DENND4A: variants seen among roughly 807,000 people sequenced by gnomAD.
DENND4A encodes C-myc promoter-binding protein.
DENND4A carries 70 observed loss-of-function variants against 199.3 expected under a neutral mutation model. The ratio of observed to expected loss-of-function variants is 0.35; its 90% CI spans 0.29 to 0.43. The LOEUF is 0.43. DENND4A is among the 20% of genes least tolerant of loss of function. The pLI is 1.00. For missense variants in DENND4A, 1,723 were observed against 2,255.8 expected (o/e 0.76, Z 4.78); for synonymous variants, 686 against 766.9 (o/e 0.89, Z 1.74).
chr15:65,767,963 T>C (rs190487534), intron 1 of DENND4A, among the ~76,000 whole-genome samples: 156 of 152,180 alleles, frequency 1.0e-3, no homozygotes, highest in Non-Finnish European at 7.9e-4. Context: ...AAATGAAAAA[T>C]ATGATGAAAT....
chr15:65,713,501 T>G (rs954478553), intron 14 of DENND4A, among the ~76,000 whole-genome samples: 1 of 152,252 alleles, frequency 6.6e-6, no homozygotes. Flanking sequence ...AGTTACTCTT[T>G]TCCCTTTTGT....
intron 21 of DENND4A, 139 bp from the exon 22 acceptor site, chr15:65,696,636 G>T: frequency 1.8e-6 from 1 of 548,706 alleles, no homozygotes; most frequent in Non-Finnish European, 3.1e-6. Flanking sequence ...ATATCTGTTT[G>T]TCAACCACAA....
rs2076963662 is a variant in DENND4A, at chr15:65,691,376, T to C, written c.3218A>G (p.Asn1073Ser). Residue 1073 changes from asparagine (N) to serine (S), a missense_variant, in exon 23 of 33, where the codon AAT becomes AGT. Physicochemically the swap from Asn to Ser is conservative, Grantham distance 46. This residue lies in a region of DENND4A where 650 missense variants were observed against 738.1 expected (regional missense o/e 0.88). Transcript: ENST00000443035. ...TNLQQQVVWGNRNRNLSGGVL... is the reference protein window; with the variant it reads ...TNLQQQVVWGSRNRNLSGGVL... ...CCCTCCACTAAGATTACGGTTTCTA[T>C]TTCCCCAGACCACTTGCTGCTGCAA... The C allele has an allele frequency of 2.5e-6, 4 of 1,613,510 alleles. No individual in the cohort carries two copies. Among genetic ancestry groups the C allele is most frequent in the African/African-American group, 1.3e-5 (1 of 74,914 alleles).
intron 4 of DENND4A, among the ~76,000 whole-genome samples, 158 bp downstream of exon 4, chr15:65,752,221 A>G (rs1264926411): frequency 6.7e-6 from 1 of 148,810 alleles, no homozygotes; most frequent in Non-Finnish European, 1.5e-5. Context: ...CCGAAAAGTA[A>G]AATATCTAAT....
chr15:65,711,539 A>G (rs944794068), intron 14 of DENND4A, among the ~76,000 whole-genome samples: 5 of 152,214 alleles, frequency 3.3e-5, no homozygotes, highest in African/African-American at 9.6e-5. Context: ...TCAAAGCTTT[A>G]TAGACCAGAA....
intron 7 of DENND4A, among the ~76,000 whole-genome samples, chr15:65,733,114 G>C (rs1278920194): frequency 2.0e-5 from 3 of 152,066 alleles, no homozygotes; most frequent in African/African-American, 7.2e-5. Flanking sequence ...TCAGTGATGT[G>C]GAAATTACCC....
chr15:65,759,341 G>T (rs563548686), intron 2 of DENND4A, among the ~76,000 whole-genome samples: 8 of 152,212 alleles, frequency 5.3e-5, no homozygotes, highest in African/African-American at 1.9e-4. Context: ...AGTCAGGTGT[G>T]GTGGCATGTG....
intron 1 of DENND4A, among the ~76,000 whole-genome samples, chr15:65,763,586 G>A (rs1596641346): frequency 1.3e-5 from 2 of 150,798 alleles, no homozygotes; most frequent in Non-Finnish European, 2.9e-5. Context: ...TGAGATGGGA[G>A]GATTGCTTGA....
chr15:65,666,414 G>A (rs144067534), intron 29 of DENND4A, among the ~76,000 whole-genome samples: 38 of 152,234 alleles, frequency 2.5e-4, no homozygotes, highest in African/African-American at 8.2e-4. Context: ...TGGATACACC[G>A]AACAAAGGGA....
rs183263777 is a variant in DENND4A, at chr15:65,756,986, G to A, written c.-22-514C>T. On this transcript the variant is annotated intron_variant, in intron 2 of 32. Transcript: ENST00000443035. ...CGGGAAGCTGAGGTTGCAGTGAGCCGAGATCGGACCACTGCACTCCAGCCT... is the reference window on the plus strand; with the variant it reads ...CGGGAAGCTGAGGTTGCAGTGAGCCAAGATCGGACCACTGCACTCCAGCCT... Among the ~76,000 whole-genome samples the A allele has an allele frequency of 2.9e-4, 44 of 152,260 alleles. No individual in the cohort carries two copies. The South Asian group carries it at 5.8e-3, about 20-fold the overall frequency.
chr15:65,668,433 T>G (rs893364905), intron 27 of DENND4A, among the ~76,000 whole-genome samples: 1 of 152,034 alleles, frequency 6.6e-6, no homozygotes, highest in Non-Finnish European at 1.5e-5. Context: ...GGTCTCGAAC[T>G]CCCAGGCTCA....
At chr15:65,705,620 A>G (rs2075022213) in intron 15 of DENND4A, among the ~76,000 whole-genome samples, 1 of 152,188 alleles carries the variant, frequency 6.6e-6, no homozygotes, top group Non-Finnish European at 1.5e-5. Context: ...CTTAAAACTC[A>G]TGAAAAAAAT....
chr15:65,772,156 A>G (rs1302703666), intron 1 of DENND4A: 25 of 722,782 alleles, frequency 3.5e-5, no homozygotes, highest in Non-Finnish European at 5.9e-5. Context: ...TGCTCCTTCG[A>G]TTTTATTTTC....
chr15:65,762,835 T>C (rs968558768), intron 1 of DENND4A, among the ~76,000 whole-genome samples: 1 of 152,140 alleles, frequency 6.6e-6, no homozygotes, highest in African/African-American at 2.4e-5. Context: ...GATTTTGGTA[T>C]CCATCGGGTG....
intron 20 of DENND4A, among the ~76,000 whole-genome samples, chr15:65,698,045 A>G (rs1405454634): frequency 6.6e-6 from 1 of 152,066 alleles, no homozygotes; most frequent in Non-Finnish European, 1.5e-5. Flanking sequence ...TGAGCCCAGG[A>G]GTTTGAGACC....
At position 65,787,160 on chromosome 15, in the gene DENND4A, A is replaced by G. The variant is rs558117693; in HGVS notation, c.-102+4850T>C. Among the ~76,000 whole-genome samples, 3 of 152,324 alleles carry G rather than the reference A, an allele frequency of 2.0e-5. No homozygotes were observed. In the East Asian group the frequency reaches 5.8e-4, roughly 29 times the overall value. On this transcript the variant is annotated intron_variant, in intron 1 of 32. Transcript: ENST00000443035. ...TCAAAAATAAAAATCTCTCATCTAC[A>G]AAACAATATTACAATAAAATTAAGA...
At chr15:65,751,167 G>C (rs2076551256) in intron 4 of DENND4A, among the ~76,000 whole-genome samples, 1 of 152,158 alleles carries the variant, frequency 6.6e-6, no homozygotes, top group African/African-American at 2.4e-5. Flanking sequence ...AGACAATTAT[G>C]GCTTAGACTA....
Position 65,696,224 on chromosome 15 carries a change from T to A in DENND4A, c.3082+142A>T, listed in dbSNP as rs530595371. Reference sequence around the variant, plus strand: ...ATGTTATAAAATATAGAACTCAAGTTACTAAGCTATGCCATGAGAGGCTGC... The same window carrying A: ...ATGTTATAAAATATAGAACTCAAGTAACTAAGCTATGCCATGAGAGGCTGC... On this transcript the variant is annotated intron_variant, in intron 22 of 32. Transcript: ENST00000443035. 6.6e-5 allele frequency: 66 copies of A among 1,007,592 alleles called. No individual in the cohort carries two copies. The South Asian group carries it at 1.0e-3, about 16-fold the overall frequency. The allele number at this position is 1,007,592 out of a possible 1,614,324, so 62.4% of individuals were successfully genotyped here.
intron 14 of DENND4A, 50 bp downstream of exon 14, chr15:65,715,428 T>C: frequency 6.6e-7 from 1 of 1,516,058 alleles, no homozygotes; most frequent in Non-Finnish European, 8.9e-7. Context: ...ATAACATTTA[T>C]AACAGTCACA....
Sources: allele counts gnomAD v4.1 joint callset (sites outside exome capture counted in the v4.1 genomes callset), GRCh38; gene constraint gnomAD v4.1.1; regional missense constraint gnomAD v4.1.1; transcripts MANE v1.5; gene names NCBI Gene and HGNC (gene_info 2026-07-23, HGNC 2026-07-21).